The following CLYBL variants were observed in gnomAD, a reference collection of about 807,000 sequenced individuals.
CLYBL encodes citramalyl-CoA lyase.
A neutral mutation model predicts 38.9 loss-of-function variants in CLYBL; 31 were observed. The ratio of observed to expected loss-of-function variants is 0.80; its 90% confidence interval spans 0.60 to 1.08. The LOEUF (loss-of-function observed/expected upper bound fraction) is 1.08. Among genes scored for constraint, CLYBL ranks in the 50% least tolerant of loss-of-function variants. The probability of loss-of-function intolerance (pLI) is 0.00; values close to 1 mark genes in which losing one functional copy is unlikely to be tolerated. For synonymous variants in CLYBL, 171 were observed against 158.6 expected (o/e 1.08, Z -0.59); for missense variants, 434 against 411.6 (o/e 1.05, Z -0.47).
At chr13:99,734,410 A>C (rs1888382949) in intron 1 of CLYBL, among the ~76,000 whole-genome samples, 1 of 152,202 alleles carries the variant, frequency 6.6e-6, no homozygotes, top group Non-Finnish European at 1.5e-5. Context: ...GATTAAAAAA[A>C]AAAAACAAAA....
At chr13:99,620,744 T>A (rs1164210549) in intron 1 of CLYBL, among the ~76,000 whole-genome samples, 1 of 148,718 alleles carries the variant, frequency 6.7e-6, no homozygotes, top group Non-Finnish European at 1.5e-5. Flanking sequence ...GCCATTGCAC[T>A]CCAGCCTGGG....
chr13:99,609,289 G>C (rs1236392125), intron 1 of CLYBL, among the ~76,000 whole-genome samples: 1 of 143,016 alleles, frequency 7.0e-6, no homozygotes, highest in Non-Finnish European at 1.5e-5. Flanking sequence ...CGATTCTCCT[G>C]CTCCAGCTTC....
rs190038349 is a variant in CLYBL, at chr13:99,817,516, G to A, written c.250-41345G>A. Among the ~76,000 whole-genome samples the A allele has an allele frequency of 8.0e-4, 121 of 151,994 alleles. 1 individual carries two copies. The East Asian group carries it at 8.2e-3, about 10-fold the overall frequency. ...TAAAAATACAAAAACTTAGCCGGGC[G>A]TGGTGGCAGGTGCCTGTAGTCCCAG... On this transcript the variant is annotated intron_variant, in intron 2 of 8. Transcript: ENST00000339105.
chr13:99,793,352 A>C (rs1042668069), intron 2 of CLYBL, among the ~76,000 whole-genome samples: 1 of 152,168 alleles, frequency 6.6e-6, no homozygotes, highest in Non-Finnish European at 1.5e-5. Flanking sequence ...AAAAGACTTA[A>C]GAGCTCAGGA....
intron 2 of CLYBL, among the ~76,000 whole-genome samples, chr13:99,819,286 A>C (rs939095487): frequency 1.3e-5 from 2 of 150,702 alleles, no homozygotes; most frequent in African/African-American, 4.9e-5. Context: ...TTGAGGCTAC[A>C]GTTAACTATG....
At chr13:99,607,604 T>C (rs1197082296) in intron 1 of CLYBL, among the ~76,000 whole-genome samples, 1 of 152,184 alleles carries the variant, frequency 6.6e-6, no homozygotes, top group Non-Finnish European at 1.5e-5. Flanking sequence ...GACCACCATG[T>C]GAAGAAGTTG....
rs921286368 is a variant in CLYBL at position 99,866,891 on chromosome 13, C to A, written c.802+484C>A. Among the ~76,000 whole-genome samples, 12 of 152,088 alleles carry A rather than the reference C, an allele frequency of 7.9e-5. No individual in the cohort carries two copies. In the South Asian group the frequency reaches 1.0e-3, roughly 13 times the overall value. ...TTTTGCTCTTCTGCCACTCCAAGCC[C>A]CTCCTCTCTCTCCCACCTCCCAGTA... On this transcript the variant is annotated intron_variant, in intron 6 of 8. Coordinates refer to ENST00000339105, the MANE Select transcript of CLYBL (RefSeq NM_206808.5).
intron 2 of CLYBL, among the ~76,000 whole-genome samples, chr13:99,839,148 G>A (rs1376297486): frequency 6.6e-6 from 1 of 152,210 alleles, no homozygotes; most frequent in Admixed American, 6.5e-5. Flanking sequence ...TACAGGTGGG[G>A]CATAGCATCT....
chr13:99,895,624 G>C (rs999577317), downstream of CLYBL: 3 of 152,218 alleles, frequency 2.0e-5, no homozygotes, highest in Non-Finnish European at 4.4e-5. Context: ...GCCCGCGCTT[G>C]GGACCCGGCA....
At chr13:99,901,628 G>T (rs1348213635), downstream of CLYBL, among the ~76,000 whole-genome samples, 4 of 134,110 alleles carry the variant, frequency 3.0e-5, no homozygotes, top group African/African-American at 1.1e-4. Context: ...TTTGTTTTTG[G>T]TTTTTTGGAT....
chr13:99,673,501 A>T (rs922450200), intron 1 of CLYBL, among the ~76,000 whole-genome samples: 2 of 152,166 alleles, frequency 1.3e-5, no homozygotes, highest in African/African-American at 2.4e-5. Context: ...GATAAGCCCC[A>T]TTGAGAAGGT....
At chr13:99,833,067 G>A (rs1213224402) in intron 2 of CLYBL, among the ~76,000 whole-genome samples, 1 of 70,452 alleles carries the variant, frequency 1.4e-5, no homozygotes, top group East Asian at 4.3e-4. Flanking sequence ...TTGAGATGGA[G>A]TTTCGCTCTT....
intron 2 of CLYBL, among the ~76,000 whole-genome samples, chr13:99,816,398 C>G (rs1326688285): frequency 6.6e-6 from 1 of 152,240 alleles, no homozygotes; most frequent in South Asian, 2.1e-4. Flanking sequence ...TGTGCCCTTA[C>G]TTTTGCTGGT....
At chr13:99,684,678 G>A (rs1198716432) in intron 1 of CLYBL, among the ~76,000 whole-genome samples, 2 of 152,196 alleles carry the variant, frequency 1.3e-5, no homozygotes, top group African/African-American at 4.8e-5. Context: ...ACAGCTTCAT[G>A]TATTTCTGCA....
intron 7 of CLYBL, 39 bp from the exon 8 acceptor site, chr13:99,891,278 CG>C (rs1566369400): frequency 7.2e-7 from 1 of 1,395,590 alleles, no homozygotes; most frequent in African/African-American, 1.4e-5. Context: ...CCTATAATTT[CG>C]AGTATTCTTT....
intron 1 of CLYBL, among the ~76,000 whole-genome samples, chr13:99,695,862 G>A (rs2047972135): frequency 6.6e-6 from 1 of 152,168 alleles, no homozygotes; most frequent in South Asian, 2.1e-4. Flanking sequence ...CCTGTCACAT[G>A]AGGGTCTTCA....
chr13:99,765,707 C>G (rs7319880), intron 1 of CLYBL, among the ~76,000 whole-genome samples: 32,441 of 151,870 alleles, frequency 0.21, 3,607 homozygotes, highest in East Asian at 0.26. Flanking sequence ...CAATGCCAGG[C>G]TAATTTTTTG....
At chr13:99,874,751 C>T (rs1237380291) in intron 7 of CLYBL, among the ~76,000 whole-genome samples, 2 of 152,092 alleles carry the variant, frequency 1.3e-5, no homozygotes, top group African/African-American at 4.8e-5. Context: ...AAGTTTTTAT[C>T]TTTCCATATT....
intron 2 of CLYBL, among the ~76,000 whole-genome samples, chr13:99,777,015 G>C (rs2049531774): frequency 6.6e-6 from 1 of 152,122 alleles, no homozygotes; most frequent in African/African-American, 2.4e-5. Flanking sequence ...AAGTAGCTGG[G>C]ATTACAGGTG....
Sources: gnomAD v4.1 joint callset for allele counts (sites outside exome capture counted in the v4.1 genomes callset) on GRCh38, gnomAD v4.1.1 for gene constraint, MANE v1.5 for transcripts, NCBI Gene and HGNC (gene_info 2026-07-23, HGNC 2026-07-21) for gene names.